The following RASGRF2 variants were observed in gnomAD, a reference collection of about 807,000 sequenced individuals.
The protein encoded by RASGRF2 is ras-specific guanine nucleotide-releasing factor 2.
RASGRF2 carries 76 observed loss-of-function variants against 151.0 expected under a neutral mutation model. That is an observed-to-expected ratio of 0.50 (90% CI 0.42 to 0.61). The LOEUF is 0.61. RASGRF2 is among the 20% of genes least tolerant of loss of function. RASGRF2 has a pLI of 0.00. For synonymous variants in RASGRF2, 504 were observed against 566.5 expected, an observed-to-expected ratio of 0.89 and a Z score of 1.57; for missense variants, 1,148 against 1,564.6, an observed-to-expected ratio of 0.73 and a Z score of 4.49.
intron 17 of RASGRF2, among the ~76,000 whole-genome samples, chr5:81,163,030 G>C (rs898116391): frequency 6.6e-6 from 1 of 152,092 alleles, no homozygotes; most frequent in Non-Finnish European, 1.5e-5. Context: ...TGCTAGAATT[G>C]CTGGCCTCAA....
chr5:81,105,714 A>C (rs533787472), intron 12 of RASGRF2, among the ~76,000 whole-genome samples: 2 of 152,246 alleles, frequency 1.3e-5, no homozygotes, highest in East Asian at 3.9e-4. Context: ...AAGTCTAAGG[A>C]GTAGCTAGAA....
chr5:81,060,548 T>C (rs1431813776), intron 2 of RASGRF2, among the ~76,000 whole-genome samples: 1 of 152,192 alleles, frequency 6.6e-6, no homozygotes, highest in African/African-American at 2.4e-5. Context: ...TGTCTTTCTC[T>C]CTCTACTACT....
At chr5:81,079,908 G>C (rs1385144023) in intron 5 of RASGRF2, among the ~76,000 whole-genome samples, 3 of 152,186 alleles carry the variant, frequency 2.0e-5, no homozygotes, top group African/African-American at 7.2e-5. Flanking sequence ...GGTGCTTTCT[G>C]TCCTCTAATA....
chr5:81,003,278 A>C (rs1001278356), intron 1 of RASGRF2, among the ~76,000 whole-genome samples: 2 of 144,310 alleles, frequency 1.4e-5, no homozygotes, highest in Non-Finnish European at 3.0e-5. Flanking sequence ...GCTGGAGTGC[A>C]ATGGCGCGAT....
chr5:81,070,812 G>A (rs1452213192), intron 4 of RASGRF2, among the ~76,000 whole-genome samples: 1 of 152,152 alleles, frequency 6.6e-6, no homozygotes, highest in East Asian at 1.9e-4. Context: ...TAAGACAATA[G>A]TGTTCTCCAG....
chr5:81,031,503 A>C (rs185197914), intron 1 of RASGRF2, among the ~76,000 whole-genome samples: 1 of 152,306 alleles, frequency 6.6e-6, no homozygotes, highest in East Asian at 1.9e-4. Context: ...ACTCACTCAA[A>C]ACCGCTCAAC....
At chr5:81,140,030 C>A (rs540794927) in intron 17 of RASGRF2, among the ~76,000 whole-genome samples, 1 of 151,970 alleles carries the variant, frequency 6.6e-6, no homozygotes, top group Admixed American at 6.6e-5. Context: ...GGTCTCTCCA[C>A]GTTGCCCAGG....
chr5:81,128,774 TA>T (rs1753538892), intron 17 of RASGRF2, among the ~76,000 whole-genome samples: 1 of 152,206 alleles, frequency 6.6e-6, no homozygotes, highest in African/African-American at 2.4e-5. Flanking sequence ...TTTTAATAGA[TA>T]AAAATTATAT....
chr5:81,188,043 T>C (rs57620342), intron 18 of RASGRF2, among the ~76,000 whole-genome samples: 2,797 of 152,260 alleles, frequency 0.018, 109 homozygotes, highest in African/African-American at 0.064. Context: ...CAACCAGCTA[T>C]TGAGCAGGCA....
At chr5:81,224,844 T>G (rs796243386) in intron 26 of RASGRF2, among the ~76,000 whole-genome samples, 12 of 152,302 alleles carry the variant, frequency 7.9e-5, no homozygotes, top group African/African-American at 2.9e-4. Context: ...AGAACTAATA[T>G]GTGGTGATAG....
At chr5:81,210,260 T>C (rs1022392096) in intron 22 of RASGRF2, 10 of 152,274 alleles carry the variant, frequency 6.6e-5, no homozygotes, top group Non-Finnish European at 1.3e-4. Flanking sequence ...GCTGTCTCAT[T>C]AGCAGCTCTT....
At chr5:81,038,869 C>A (rs1284630406) in intron 1 of RASGRF2, among the ~76,000 whole-genome samples, 2 of 152,106 alleles carry the variant, frequency 1.3e-5, no homozygotes, top group African/African-American at 4.8e-5. Flanking sequence ...AGCCCCTGTG[C>A]CCGGCCTATA....
At chr5:81,034,962 A>AG (rs1750429331) in intron 1 of RASGRF2, among the ~76,000 whole-genome samples, 1 of 152,112 alleles carries the variant, frequency 6.6e-6, no homozygotes, top group South Asian at 2.1e-4. Flanking sequence ...ATAAAAAAAA[A>AG]GTCAGGAAAC....
intron 13 of RASGRF2, among the ~76,000 whole-genome samples, chr5:81,109,540 C>G (rs574089399): frequency 1.2e-4 from 19 of 152,298 alleles, no homozygotes; most frequent in Admixed American, 2.6e-4. Context: ...ATGGCGGACA[C>G]CTGTAATCCC....
intron 18 of RASGRF2, among the ~76,000 whole-genome samples, chr5:81,190,919 AT>A (rs1160882929): frequency 6.6e-6 from 1 of 151,134 alleles, no homozygotes; most frequent in Non-Finnish European, 1.5e-5. Flanking sequence ...CGTTGATGGA[AT>A]TTTATGTACT....
intron 12 of RASGRF2, among the ~76,000 whole-genome samples, chr5:81,100,390 G>T (rs184135979): frequency 0.013 from 1,962 of 151,684 alleles, 21 homozygotes; most frequent in South Asian, 0.026. Context: ...GCTTTGCCAG[G>T]TCTCTCTCTC....
chr5:81,224,724 G>C (rs901353396), intron 26 of RASGRF2, among the ~76,000 whole-genome samples: 1 of 152,200 alleles, frequency 6.6e-6, no homozygotes, highest in African/African-American at 2.4e-5. Flanking sequence ...CAGACTACTG[G>C]TACAGGCCAC....
chr5:81,080,853 G>T, intron 7 of RASGRF2, 64 bp downstream of exon 7: 1 of 1,443,952 alleles, frequency 6.9e-7, no homozygotes. Flanking sequence ...GATACCTAGC[G>T]TGACCAGCGT....
At chr5:81,096,784 T>C (rs1752559849) in intron 12 of RASGRF2, among the ~76,000 whole-genome samples, 1 of 152,126 alleles carries the variant, frequency 6.6e-6, no homozygotes, top group South Asian at 2.1e-4. Context: ...TAAGTGAGTC[T>C]TTCCCTCTGC....
Sources: allele counts gnomAD v4.1 joint callset (sites outside exome capture counted in the v4.1 genomes callset), GRCh38; gene constraint gnomAD v4.1.1; transcripts MANE v1.5; gene names NCBI Gene and HGNC (gene_info 2026-07-23, HGNC 2026-07-21).